PDE4DIP: variants seen among roughly 807,000 people sequenced by gnomAD.
The protein encoded by PDE4DIP is phosphodiesterase 4D interacting protein, also known as myomegalin.
PDE4DIP carries 59 observed loss-of-function variants against 221.4 expected under a neutral mutation model. That is an observed-to-expected ratio of 0.27 (90% CI 0.22 to 0.33). The LOEUF (loss-of-function observed/expected upper bound fraction) is 0.33. Among genes scored for constraint, PDE4DIP ranks in the 10% least tolerant of loss-of-function variants. The probability of loss-of-function intolerance (pLI) is 1.00; values close to 1 mark genes in which losing one functional copy is unlikely to be tolerated. For missense variants in PDE4DIP, 1,036 were observed against 2,154.2 expected (o/e 0.48, Z 10.28); for synonymous variants, 404 against 815.9 (o/e 0.50, Z 8.60).
At chr1:148,973,559 T>C (rs368249345) in intron 16 of PDE4DIP, among the ~76,000 whole-genome samples, 2 of 151,882 alleles carry the variant, frequency 1.3e-5, no homozygotes, top group Non-Finnish European at 2.9e-5. Context: ...GGTTCTTTTT[T>C]CCCTCATTTC....
intron 5 of PDE4DIP, among the ~76,000 whole-genome samples, chr1:148,946,068 C>T (rs1489899054): frequency 2.0e-5 from 3 of 152,012 alleles, no homozygotes; most frequent in African/African-American, 7.3e-5. Context: ...CTCTCCTCTT[C>T]GCTGACTTCA....
chr1:148,855,050 CA>C (rs1313903855), intron 1 of PDE4DIP, among the ~76,000 whole-genome samples: 2 of 2,736 alleles, frequency 7.3e-4, no homozygotes, highest in African/African-American at 1.5e-3. Flanking sequence ...TTGCCAGGAC[CA>C]AAAGCAAAAT....
chr1:149,017,526 A>G (rs2071086533), intron 33 of PDE4DIP: 13 of 449,720 alleles, frequency 2.9e-5, no homozygotes, highest in South Asian at 2.8e-4. Flanking sequence ...GAGGAGGCCC[A>G]TGGAGATTTT....
At chr1:148,981,565 A>G in intron 21 of PDE4DIP, 168 bp downstream of exon 24, 1 of 718,740 alleles carries the variant, frequency 1.4e-6, no homozygotes, top group Non-Finnish European at 2.3e-6. Context: ...TGGTACAAGT[A>G]GCATCAACTA....
At chr1:148,920,058 C>T (rs1189899020) in intron 1 of PDE4DIP, among the ~76,000 whole-genome samples, 1 of 148,674 alleles carries the variant, frequency 6.7e-6, no homozygotes, top group East Asian at 1.9e-4. Flanking sequence ...CCAATACTTT[C>T]TTGTCGACTT....
In PDE4DIP at chr1:149,004,049, G is replaced by A. The variant is rs587726785; in HGVS notation, c.3886+319G>A. 2.0e-5 allele frequency among the ~76,000 whole-genome samples: 3 copies of A among 151,932 alleles called. No individual in the cohort carries two copies. In the South Asian group the frequency reaches 6.3e-4, roughly 32 times the overall value. ...ATAATTTTGTTTTGCATTATAAAAAGACTACAACTATAGGGCCACCCACCA... is the reference window on the plus strand; with the variant it reads ...ATAATTTTGTTTTGCATTATAAAAAAACTACAACTATAGGGCCACCCACCA... On this transcript the variant is annotated intron_variant, in intron 26 of 43. Coordinates refer to ENST00000369354, the Ensembl canonical transcript of PDE4DIP.
At chr1:149,023,875 CAT>C (rs1300304872) in intron 37 of PDE4DIP, among the ~76,000 whole-genome samples, 68 of 150,300 alleles carry the variant, frequency 4.5e-4, no homozygotes, top group African/African-American at 1.6e-3. Context: ...ATACACACAA[CAT>C]ATATAAACAC....
upstream of PDE4DIP, among the ~76,000 whole-genome samples, chr1:148,884,690 G>A (rs1452966818): frequency 7.3e-3 from 1,099 of 150,944 alleles, no homozygotes; most frequent in African/African-American, 0.026. Context: ...GACCTCATGC[G>A]ATCTGCTCAC....
exon 24 of PDE4DIP, chr1:149,001,820 C>G (rs141557192): frequency 6.6e-7 from 1 of 1,517,954 alleles, no homozygotes; most frequent in East Asian, 2.3e-5. Context: ...CAAAGAACAA[C>G]TTGTGCTGAG....
At chr1:148,929,519 C>T (rs1553468117) in intron 2 of PDE4DIP, 4 of 431,206 alleles carry the variant, frequency 9.3e-6, no homozygotes, top group African/African-American at 6.0e-5. Context: ...TCCTATCAGT[C>T]AGCAATCAAC....
At chr1:148,822,525 C>A (rs1270486880) in intron 1 of PDE4DIP, among the ~76,000 whole-genome samples, 1 of 151,350 alleles carries the variant, frequency 6.6e-6, no homozygotes, top group Admixed American at 6.6e-5. Context: ...CCAAATCCAT[C>A]CCCCACCCTG....
At chr1:148,997,237 G>A (rs797029074) in intron 22 of PDE4DIP, among the ~76,000 whole-genome samples, 98 of 150,608 alleles carry the variant, frequency 6.5e-4, no homozygotes, top group Non-Finnish European at 9.5e-4. Flanking sequence ...TTTTAAGAGC[G>A]TGGGAAAAGA....
At chr1:148,935,582 C>T (rs1182971771) in intron 4 of PDE4DIP, among the ~76,000 whole-genome samples, 1 of 7,702 alleles carries the variant, frequency 1.3e-4, no homozygotes, top group African/African-American at 5.5e-4. Flanking sequence ...TGAACATTTG[C>T]ATGCATATGT....
At chr1:148,922,954 T>G (rs2045804189) in intron 1 of PDE4DIP, among the ~76,000 whole-genome samples, 2 of 140,490 alleles carry the variant, frequency 1.4e-5, no homozygotes, top group African/African-American at 5.4e-5. Context: ...TTTTATTTTT[T>G]CGAGATGGAG....
At chr1:148,990,187 C>T in intron 21 of PDE4DIP, 1 of 983,518 alleles carries the variant, frequency 1.0e-6, no homozygotes. Context: ...TGTGAACTGC[C>T]CCCTCAAACA....
intron 1 of PDE4DIP, among the ~76,000 whole-genome samples, chr1:148,820,662 C>A (rs1240563844): frequency 6.8e-6 from 1 of 146,206 alleles, no homozygotes; most frequent in Non-Finnish European, 1.5e-5. Flanking sequence ...GGGTTTTTGA[C>A]TGTGGGTGTG....
chr1:148,822,621 A>T (rs1553362177), intron 1 of PDE4DIP, among the ~76,000 whole-genome samples: 1 of 148,498 alleles, frequency 6.7e-6, no homozygotes, highest in African/African-American at 2.5e-5. Context: ...TAACCTCTTC[A>T]TGAAGTTGCC....
rs1276672110 is a variant in PDE4DIP, at chr1:148,821,640, AG to A, written c.233+12908del. Among the ~76,000 whole-genome samples, 4 of 145,970 alleles carry A rather than the reference AG, an allele frequency of 2.7e-5. 1 individual carries two copies. Among genetic ancestry groups the A allele is most frequent in the Non-Finnish European group, 6.0e-5 (4 of 67,118 alleles). ...CAGCTGGAGCATAATAAATAAGAGG[AG>A]GGGGCAGAGGTGAACCTGAGCCAGG... On this transcript the variant is annotated intron_variant, in intron 1 of 45. Transcript: ENST00000524974.
At chr1:148,987,093 C>G (rs1196611962) in intron 21 of PDE4DIP, among the ~76,000 whole-genome samples, 2 of 152,086 alleles carry the variant, frequency 1.3e-5, no homozygotes, top group African/African-American at 2.4e-5. Flanking sequence ...TATGATTTGG[C>G]CTTTTCAAGT....
Sources: allele counts gnomAD v4.1 joint callset (sites outside exome capture counted in the v4.1 genomes callset), GRCh38; gene constraint gnomAD v4.1.1; transcripts MANE v1.5; gene names NCBI Gene and HGNC (gene_info 2026-07-23, HGNC 2026-07-21).